Variants in CAMK4 observed in about 807,000 individuals in gnomAD.
CAMK4 encodes the protein calcium/calmodulin-dependent protein kinase type IV.
A neutral mutation model predicts 44.9 loss-of-function variants in CAMK4; 22 were observed. That is an observed-to-expected ratio of 0.49 (90% CI 0.35 to 0.70). CAMK4 has a LOEUF of 0.70. CAMK4 is among the 30% of genes least tolerant of loss of function. The probability of loss-of-function intolerance (pLI) is 0.01; values close to 1 mark genes in which losing one functional copy is unlikely to be tolerated. For synonymous variants in CAMK4, 218 were observed against 215.4 expected, an observed-to-expected ratio of 1.01 and a Z score of -0.11; for missense variants, 498 against 586.8, an observed-to-expected ratio of 0.85 and a Z score of 1.56.
chr5:111,493,368 G>C lies in CAMK4; in HGVS notation c.*8902G>C, dbSNP rs1317677425. The C allele has an allele frequency of 2.0e-5, 3 of 152,184 alleles. No individual in the cohort carries two copies. Among genetic ancestry groups the C allele is most frequent in the Admixed American group, 6.5e-5 (1 of 15,270 alleles). The allele number at this position is 152,184 out of a possible 1,614,324, so 9.4% of individuals were successfully genotyped here. ...AAACAGAGTAAATGATAGTATGACA[G>C]ATAATTTCAAGTTTTCCAAGACTCC... On this transcript the variant is annotated 3_prime_UTR_variant, in exon 11 of 11. Coordinates refer to ENST00000282356, the MANE Select transcript of CAMK4 (RefSeq NM_001744.6). This position sits in a 1 kb window ranked among gnomAD's most constrained non-coding sequence, Gnocchi z 4.1.
intron 1 of CAMK4, among the ~76,000 whole-genome samples, chr5:111,249,444 A>G (rs906603388): frequency 9.9e-5 from 15 of 150,992 alleles, no homozygotes; most frequent in Admixed American, 7.9e-4. Context: ...GAATATAATT[A>G]TATGTATTTT....
chr5:111,432,569 T>C (rs533360866), intron 5 of CAMK4, among the ~76,000 whole-genome samples: 1 of 151,098 alleles, frequency 6.6e-6, no homozygotes, highest in Admixed American at 6.6e-5. Flanking sequence ...TGTATTTACT[T>C]CACATTGCAT....
chr5:111,237,183 C>T (rs1296006762), intron 1 of CAMK4, among the ~76,000 whole-genome samples: 4 of 152,164 alleles, frequency 2.6e-5, no homozygotes, highest in Admixed American at 6.5e-5. Context: ...CAGTTGCACC[C>T]ATGGGGTTTC....
chr5:111,234,457 T>C (rs1258998678), intron 1 of CAMK4, among the ~76,000 whole-genome samples: 3 of 152,072 alleles, frequency 2.0e-5, no homozygotes, highest in African/African-American at 7.2e-5. Context: ...AACAACAAAG[T>C]TTCAGTGGTC....
intron 1 of CAMK4, among the ~76,000 whole-genome samples, chr5:111,301,977 T>C (rs1747738580): frequency 6.6e-6 from 1 of 152,238 alleles, no homozygotes; most frequent in Non-Finnish European, 1.5e-5. Context: ...GAGCTTTTGA[T>C]GTAATGATTT....
intron 10 of CAMK4, 134 bp from the exon 11 acceptor site, chr5:111,483,892 T>C (rs1198413864): frequency 1.8e-6 from 1 of 562,372 alleles, no homozygotes; most frequent in Admixed American, 3.8e-5. Flanking sequence ...TGGCAAACAA[T>C]CTAGGAATAA....
intron 2 of CAMK4, among the ~76,000 whole-genome samples, chr5:111,372,705 C>T (rs1751055593): frequency 6.6e-6 from 1 of 152,162 alleles, no homozygotes; most frequent in African/African-American, 2.4e-5. Context: ...GAGCTTTGAT[C>T]AATACATGGT....
intron 5 of CAMK4, among the ~76,000 whole-genome samples, chr5:111,444,111 A>G (rs1468416474): frequency 6.6e-6 from 1 of 151,890 alleles, no homozygotes; most frequent in African/African-American, 2.4e-5. Context: ...ACCTTAATCA[A>G]TCAAGTAACA....
rs528603901 is a variant in CAMK4, at chr5:111,271,344, C to T, written c.161+46700C>T. Among the ~76,000 whole-genome samples, 20 of 152,262 alleles carry T rather than the reference C, an allele frequency of 1.3e-4. No individual in the cohort carries two copies. In the East Asian group the frequency reaches 3.9e-3, roughly 29 times the overall value. On this transcript the variant is annotated intron_variant, in intron 1 of 10. Coordinates refer to ENST00000282356, the MANE Select transcript of CAMK4 (RefSeq NM_001744.6). ...TCTTCAACATTAAGATAAAGGATAA[C>T]AATAGTCTCTACCTTACATAAGAAT...
intron 1 of CAMK4, among the ~76,000 whole-genome samples, chr5:111,281,138 TAGGTGTCAAGAGACTATTAAAGCAG>T (rs1233548412): frequency 2.0e-5 from 3 of 152,188 alleles, no homozygotes; most frequent in Non-Finnish European, 4.4e-5. Context: ...CCTAGTTTGC[TAGGTGTCAAGAGACTATTAAAGCAG>T]AGGTGTTGGT....
chr5:111,470,084 C>G (rs1449792858), intron 7 of CAMK4, among the ~76,000 whole-genome samples: 2 of 152,236 alleles, frequency 1.3e-5, no homozygotes, highest in Admixed American at 6.5e-5. Flanking sequence ...GGCTCCTTGA[C>G]TGGAACATCT....
At chr5:111,380,808 T>C (rs1751386368) in intron 4 of CAMK4, among the ~76,000 whole-genome samples, 1 of 152,188 alleles carries the variant, frequency 6.6e-6, no homozygotes, top group African/African-American at 2.4e-5. Flanking sequence ...AAAAAGGAGA[T>C]TTTCTTTTGT....
At chr5:111,353,550 G>A (rs184642587) in intron 2 of CAMK4, among the ~76,000 whole-genome samples, 14 of 152,144 alleles carry the variant, frequency 9.2e-5, no homozygotes, top group African/African-American at 3.1e-4. Flanking sequence ...AGAATTCTTG[G>A]TAGAAGTAAA....
chr5:111,224,734 C>T lies in CAMK4; in HGVS notation c.161+90C>T. 1.7e-6 allele frequency: 2 copies of T among 1,211,204 alleles called. No homozygotes were observed. Among genetic ancestry groups the T allele is most frequent in the Non-Finnish European group, 1.1e-6 (1 of 870,302 alleles). 75.0% of individuals were successfully genotyped at this position (1,211,204 alleles called of 1,614,324 possible). On this transcript the variant is annotated intron_variant, in intron 1 of 10. Coordinates refer to ENST00000282356, the MANE Select transcript of CAMK4 (RefSeq NM_001744.6). This position sits in a 1 kb window ranked among gnomAD's most constrained non-coding sequence, Gnocchi z 5.7. ...ACGGCTCGGAGGGTGCGGGAGCCTG[C>T]CTTCGTGCCCTTCGATTTCTCCCTA... is the stretch of plus-strand genomic sequence containing the variant.
At chr5:111,237,885 A>G (rs1748802628) in intron 1 of CAMK4, among the ~76,000 whole-genome samples, 1 of 152,264 alleles carries the variant, frequency 6.6e-6, no homozygotes, top group Admixed American at 6.5e-5. Context: ...TTTAAAAGCC[A>G]TCTACTGAAA....
chr5:111,462,691 G>A (rs73787201), intron 7 of CAMK4, among the ~76,000 whole-genome samples: 2,186 of 152,198 alleles, frequency 0.014, 44 homozygotes, highest in African/African-American at 0.049. Flanking sequence ...GACCAAAATC[G>A]TCCCTTTTAA....
chr5:111,432,666 A>G (rs200861638), intron 5 of CAMK4, among the ~76,000 whole-genome samples: 24,254 of 138,656 alleles, frequency 0.17, 2,132 homozygotes, highest in Non-Finnish European at 0.21. Context: ...GTGTGTGTAT[A>G]TATATATATA....
In CAMK4 at chr5:111,494,787, T is replaced by C. The variant is rs1160717409; in HGVS notation, c.*10321T>C. 6.6e-6 allele frequency: 1 copy of C among 152,120 alleles called. No homozygotes were observed. Among genetic ancestry groups the C allele is most frequent in the East Asian group, 1.9e-4 (1 of 5,196 alleles). The allele number at this position is 152,120 out of a possible 1,614,324, so 9.4% of individuals were successfully genotyped here. On this transcript the variant is annotated 3_prime_UTR_variant, in exon 11 of 11. Coordinates refer to ENST00000282356, the MANE Select transcript of CAMK4 (RefSeq NM_001744.6). Reference sequence around the variant, plus strand: ...TGGTGTAAGTTCACTCAGACAGACATGTCAGAACATGCCCAAAGAAGCCTA... The same window carrying C: ...TGGTGTAAGTTCACTCAGACAGACACGTCAGAACATGCCCAAAGAAGCCTA...
Position 111,484,138 on chromosome 5 carries a change from G to C in CAMK4, c.1094G>C (p.Gly365Ala). ...ASRDPSPIQDGNEDMKAIPEG... is the reference protein window; with the variant it reads ...ASRDPSPIQDANEDMKAIPEG... ...CGAGACCCTTCTCCAATCCAAGATG[G>C]CAACGAGGACATGAAAGCTATTCCA... Residue 365 changes from glycine (G) to alanine (A), a missense_variant, in exon 11 of 11, where the codon GGC (glycine) becomes GCC (alanine). By Grantham distance (60) the Gly-to-Ala change is moderately conservative. This residue lies in a region of CAMK4 where 143 missense variants were observed against 144.9 expected (regional missense o/e 0.99). Coordinates refer to ENST00000282356, the MANE Select transcript of CAMK4 (RefSeq NM_001744.6). The surrounding 1 kb of genome is among the most constrained non-coding windows in gnomAD (Gnocchi z 5.3). 1 of 1,614,160 alleles carries C rather than the reference G, an allele frequency of 6.2e-7. No homozygotes were observed.
Sources: gnomAD v4.1 joint callset for allele counts (sites outside exome capture counted in the v4.1 genomes callset) on GRCh38, gnomAD v4.1.1 for gene constraint, gnomAD v4.1.1 regional missense constraint, Gnocchi (gnomAD v3.1) non-coding constraint, MANE v1.5 for transcripts, NCBI Gene and HGNC (gene_info 2026-07-23, HGNC 2026-07-21) for gene names.